The following KCNA6 variants were observed in gnomAD, a reference collection of about 807,000 sequenced individuals.
KCNA6 encodes human brain potassium channel-2.
KCNA6 carries 17 observed loss-of-function variants against 29.5 expected under a neutral mutation model. The ratio of observed to expected loss-of-function variants is 0.58; its 90% CI spans 0.39 to 0.86. The LOEUF (loss-of-function observed/expected upper bound fraction) is 0.86, where lower values mean the gene tolerates loss of function less well. Among genes scored for constraint, KCNA6 ranks in the 40% least tolerant of loss-of-function variants. KCNA6 has a pLI of 0.00. For synonymous variants in KCNA6, 296 were observed against 304.7 expected, an observed-to-expected ratio of 0.97 and a Z score of 0.30; for missense variants, 450 against 703.4, an observed-to-expected ratio of 0.64 and a Z score of 4.07.
chr12:4,838,825 G>A, the KCNA6 span: 2 of 152,200 alleles, frequency 1.3e-5, no homozygotes, highest in Non-Finnish European at 2.9e-5. Flanking sequence ...AAGAGCTCCA[G>A]TGTCTCTCCC....
the KCNA6 span, among the ~76,000 whole-genome samples, chr12:4,834,589 C>A: frequency 6.6e-6 from 1 of 152,120 alleles, no homozygotes; most frequent in Admixed American, 6.5e-5. Flanking sequence ...GGGCTCAGAT[C>A]CTGCCCTGCT....
chr12:4,826,333 C>G, the KCNA6 span, among the ~76,000 whole-genome samples: 1 of 152,260 alleles, frequency 6.6e-6, no homozygotes, highest in Admixed American at 6.5e-5. Context: ...TCCTCACCAA[C>G]TGGTCCAGGC....
At chr12:4,837,932 T>C in the KCNA6 span, among the ~76,000 whole-genome samples, 1 of 151,724 alleles carries the variant, frequency 6.6e-6, no homozygotes, top group Non-Finnish European at 1.5e-5. Context: ...TCAGAGGTGG[T>C]TTGAAGAGAG....
chr12:4,840,546 AC>A, the KCNA6 span, among the ~76,000 whole-genome samples: 1 of 152,254 alleles, frequency 6.6e-6, no homozygotes, highest in Non-Finnish European at 1.5e-5. Context: ...GGCTCTGTTG[AC>A]AAATCTGCGG....
At chr12:4,814,197 ATT>A (rs1946659943), downstream of KCNA6, 1 of 167,062 alleles carries the variant, frequency 6.0e-6, no homozygotes, top group Admixed American at 6.5e-5. This position sits in a 1 kb window ranked among gnomAD's most constrained non-coding sequence, Gnocchi z 4.6. Flanking sequence ...CTTACTCCTG[ATT>A]CTTCAGAAAT....
the KCNA6 span, among the ~76,000 whole-genome samples, chr12:4,836,244 T>C: frequency 1.3e-4 from 20 of 152,246 alleles, no homozygotes; most frequent in African/African-American, 4.6e-4. Flanking sequence ...CCACCACGCC[T>C]GGCCAAAAGT....
At chr12:4,827,793 G>A in the KCNA6 span, among the ~76,000 whole-genome samples, 3 of 152,200 alleles carry the variant, frequency 2.0e-5, no homozygotes, top group East Asian at 5.8e-4. Context: ...AGGTCCTGCT[G>A]CTTTTCGGTG....
chr12:4,835,936 T>G, the KCNA6 span, among the ~76,000 whole-genome samples: 1 of 25,066 alleles, frequency 4.0e-5, no homozygotes, highest in Non-Finnish European at 8.6e-5. Flanking sequence ...AAGTCGCTGT[T>G]TTTTTTTTTT....
the KCNA6 span, among the ~76,000 whole-genome samples, chr12:4,838,569 A>T: frequency 1.3e-5 from 2 of 152,224 alleles, no homozygotes; most frequent in Admixed American, 1.3e-4. Context: ...AAACTCTGTT[A>T]TGTCTATTTG....
the KCNA6 span, among the ~76,000 whole-genome samples, chr12:4,825,003 A>G: frequency 6.6e-6 from 1 of 152,240 alleles, no homozygotes; most frequent in East Asian, 1.9e-4. Flanking sequence ...AAAAATGTCT[A>G]GATTATTCCA....
the KCNA6 span, chr12:4,839,498 T>A: frequency 6.6e-6 from 1 of 152,232 alleles, no homozygotes; most frequent in Non-Finnish European, 1.5e-5. Flanking sequence ...TCAGCAAGGC[T>A]TCTAGTCGAC....
chr12:4,845,829 C>T, the KCNA6 span, among the ~76,000 whole-genome samples: 1 of 152,106 alleles, frequency 6.6e-6, no homozygotes, highest in Non-Finnish European at 1.5e-5. Flanking sequence ...TAACAATCCC[C>T]TGCCCTAGCC....
chr12:4,827,989 C>T, the KCNA6 span, among the ~76,000 whole-genome samples: 1 of 152,194 alleles, frequency 6.6e-6, no homozygotes, highest in African/African-American at 2.4e-5. Context: ...TGCTCATCAT[C>T]GAAAATTACC....
the KCNA6 span, chr12:4,850,632 G>T: frequency 6.1e-6 from 2 of 328,628 alleles, no homozygotes; most frequent in South Asian, 4.8e-5. This position sits in a 1 kb window ranked among gnomAD's most constrained non-coding sequence, Gnocchi z 5.4. Context: ...TGCCAGCGGG[G>T]TGAGGAAGGA....
At chr12:4,833,588 G>A in the KCNA6 span, among the ~76,000 whole-genome samples, 2 of 152,210 alleles carry the variant, frequency 1.3e-5, no homozygotes, top group East Asian at 3.8e-4. Context: ...TTTTTGTAGT[G>A]GGTCTGCCAT....
At chr12:4,818,095 TC>T (rs1946698766), downstream of KCNA6, among the ~76,000 whole-genome samples, 1 of 152,016 alleles carries the variant, frequency 6.6e-6, no homozygotes, top group Non-Finnish European at 1.5e-5. Flanking sequence ...AGGAAGACAG[TC>T]CTGCAGCTGG....
chr12:4,820,752 C>G, the KCNA6 span, among the ~76,000 whole-genome samples: 2 of 152,098 alleles, frequency 1.3e-5, no homozygotes, highest in African/African-American at 4.8e-5. Context: ...ACCAGATGAC[C>G]AGCTTCTGGA....
the KCNA6 span, among the ~76,000 whole-genome samples, chr12:4,821,399 A>G: frequency 6.6e-6 from 1 of 151,360 alleles, no homozygotes; most frequent in East Asian, 1.9e-4. Context: ...CTCCCCAACC[A>G]GACCCTCTAC....
the KCNA6 span, among the ~76,000 whole-genome samples, chr12:4,827,206 CTCCT>C: frequency 5.1e-3 from 586 of 113,910 alleles, 7 homozygotes; most frequent in Non-Finnish European, 6.5e-3. Flanking sequence ...CCTTCCTTCC[CTCCT>C]TCCTTCCTTC....
Sources: allele counts gnomAD v4.1 joint callset (sites outside exome capture counted in the v4.1 genomes callset), GRCh38; gene constraint gnomAD v4.1.1; non-coding constraint Gnocchi (gnomAD v3.1); transcripts MANE v1.5; gene names NCBI Gene and HGNC (gene_info 2026-07-23, HGNC 2026-07-21).